The following PPP1R37 variants were observed in gnomAD, a reference collection of about 807,000 sequenced individuals.
The protein encoded by PPP1R37 is protein phosphatase 1 regulatory subunit 37.
PPP1R37 carries 21 observed loss-of-function variants against 61.0 expected under a neutral mutation model. The ratio of observed to expected loss-of-function variants is 0.34; its 90% CI spans 0.24 to 0.50. The LOEUF (loss-of-function observed/expected upper bound fraction) is 0.50. Among genes scored for constraint, PPP1R37 ranks in the 20% least tolerant of loss-of-function variants. The pLI, the probability that PPP1R37 is intolerant of heterozygous loss-of-function variation, is 0.98. For missense variants in PPP1R37, 910 were observed against 952.7 expected (o/e 0.96, Z 0.59); for synonymous variants, 443 against 433.5 (o/e 1.02, Z -0.27).
Position 45,115,741 on chromosome 19 carries a change from G to A in PPP1R37, c.202+22214G>A, listed in dbSNP as rs139857157. On this transcript the variant is annotated intron_variant, in intron 1 of 12. Coordinates refer to ENST00000221462, the MANE Select transcript of PPP1R37 (RefSeq NM_019121.2). Reference sequence around the variant, plus strand: ...TATAATCCCAGCACTTTGGGAGGCCGAGGCGGGTGGATCATCTGAGGTCCG... The same window carrying A: ...TATAATCCCAGCACTTTGGGAGGCCAAGGCGGGTGGATCATCTGAGGTCCG... Among the ~76,000 whole-genome samples, 317 of 152,284 alleles carry A rather than the reference G, an allele frequency of 2.1e-3. 2 individuals are homozygous for A. Among genetic ancestry groups the A allele is most frequent in the African/African-American group, 7.0e-3 (290 of 41,556 alleles).
chr19:45,128,962 G>A (rs1442665540), intron 1 of PPP1R37: 2 of 781,954 alleles, frequency 2.6e-6, no homozygotes, highest in South Asian at 1.3e-5. Context: ...TGTGGAGAAG[G>A]GACCCTGATC....
rs142719401 is a variant in PPP1R37, at chr19:45,098,710, C to T, written c.202+5183C>T. On this transcript the variant is annotated intron_variant, in intron 1 of 12. Transcript: ENST00000221462. ...TGCCATACTGTTGGCTATTGAAACC[C>T]GTGCTGCAGATTCAGTCCTAAAAGC... 2.2e-3 allele frequency among the ~76,000 whole-genome samples: 332 copies of T among 152,278 alleles called. 1 individual carries two copies. In the South Asian group the frequency reaches 0.026, roughly 12 times the overall value.
Position 45,138,625 on chromosome 19 carries a change from A to C in PPP1R37, c.300+14A>C. ...AGGCAGCTGCAGGTATGGGCGGGAC[A>C]GGGTGGGTGCGTCCGGTGTGGGTGT... On this transcript the variant is annotated intron_variant, in intron 2 of 12. Transcript: ENST00000221462. 195 of 593,448 alleles carry C rather than the reference A, an allele frequency of 3.3e-4. No homozygotes were observed. The highest frequency in any genetic ancestry group is 5.5e-4 in the Non-Finnish European group (184 of 337,540). The allele number at this position is 593,448 out of a possible 1,614,324, so 36.8% of individuals were successfully genotyped here.
chr19:45,140,865 G>A (rs1968602190), intron 4 of PPP1R37, among the ~76,000 whole-genome samples: 1 of 152,124 alleles, frequency 6.6e-6, no homozygotes, highest in Admixed American at 6.5e-5. Flanking sequence ...GCAGGCGTGT[G>A]GCCCCCAGGA....
At chr19:45,107,910 C>T (rs907620744) in intron 1 of PPP1R37, among the ~76,000 whole-genome samples, 19 of 152,174 alleles carry the variant, frequency 1.2e-4, no homozygotes, top group Non-Finnish European at 2.4e-4. Flanking sequence ...GTAATTCATT[C>T]TAGCCATTTC....
intron 12 of PPP1R37, 37 bp from the exon 13 acceptor site, chr19:45,146,534 G>C (rs2122762438): frequency 1.5e-6 from 2 of 1,291,914 alleles, no homozygotes; most frequent in South Asian, 2.5e-5. Flanking sequence ...AGAGCCTCTG[G>C]CTCTGACAGT....
intron 1 of PPP1R37, among the ~76,000 whole-genome samples, chr19:45,117,312 G>A (rs1388611238): frequency 1.3e-5 from 2 of 152,198 alleles, no homozygotes; most frequent in Admixed American, 1.3e-4. Context: ...AGCAGTTGCA[G>A]ACCCGGAGGC....
chr19:45,094,806 A>G (rs916306727), intron 1 of PPP1R37, among the ~76,000 whole-genome samples: 9 of 151,600 alleles, frequency 5.9e-5, no homozygotes, highest in African/African-American at 1.9e-4. Context: ...GGTGAGAGAG[A>G]TGAAAAAGTT....
At chr19:45,140,133 C>A in intron 2 of PPP1R37, 103 bp from the exon 3 acceptor site, 1 of 1,041,868 alleles carries the variant, frequency 9.6e-7, no homozygotes, top group Non-Finnish European at 1.4e-6. Flanking sequence ...GCCCAAACCC[C>A]ACCCCAGAAC....
chr19:45,104,265 C>T (rs961300564), intron 1 of PPP1R37, among the ~76,000 whole-genome samples: 7 of 152,180 alleles, frequency 4.6e-5, no homozygotes, highest in African/African-American at 1.7e-4. Flanking sequence ...TCTCCCCTCC[C>T]TGGACCAGTG....
intron 1 of PPP1R37, among the ~76,000 whole-genome samples, chr19:45,107,400 G>A (rs997650580): frequency 1.3e-5 from 2 of 151,994 alleles, no homozygotes; most frequent in Admixed American, 6.6e-5. Flanking sequence ...CCAGGAGTTC[G>A]AGACCAGCCT....
intron 1 of PPP1R37, among the ~76,000 whole-genome samples, chr19:45,097,675 G>A (rs1247282002): frequency 1.3e-5 from 2 of 152,008 alleles, no homozygotes; most frequent in African/African-American, 2.4e-5. Context: ...GTGGGGTTCC[G>A]CCTGCTGGGG....
At position 45,145,567 on chromosome 19, in the gene PPP1R37, A is replaced by C; in HGVS notation, c.1511A>C (p.Asp504Ala). Residue 504 changes from aspartate (D) to alanine (A), a missense_variant, in exon 11 of 13, where the codon GAC becomes GCC. Around this residue, in one of 3 missense-constraint regions of PPP1R37, gnomAD observed 549 missense variants for 505.1 expected, o/e 1.09. Transcript: ENST00000221462. ...GCCCCCAGCCCCGCACCCAGCCCGG[A>C]CTCAGACTCAGACTCGGACTCGGAT... ...NGAPSPAPSP[D>A]SDSDSDSDGE... The C allele has an allele frequency of 6.5e-7, 1 of 1,533,150 alleles. No individual in the cohort carries two copies. Among genetic ancestry groups the C allele is most frequent in the Non-Finnish European group, 8.7e-7 (1 of 1,146,494 alleles). 95.0% of individuals were successfully genotyped at this position (1,533,150 alleles called of 1,614,324 possible).
Position 45,145,443 on chromosome 19 carries a change from G to C in PPP1R37, c.1387G>C (p.Glu463Gln), listed in dbSNP as rs1286901995. 8 of 1,535,172 alleles carry C rather than the reference G, an allele frequency of 5.2e-6. No individual in the cohort carries two copies. In the African/African-American group the frequency reaches 1.1e-4, roughly 21 times the overall value. The change falls in exon 11 of 13, where the codon GAG becomes CAG. Residue 463 changes from glutamate (E) to glutamine (Q), a missense_variant. By Grantham distance (29) the Glu-to-Gln change is conservative. This residue lies in a region of PPP1R37 where 549 missense variants were observed against 505.1 expected (regional missense o/e 1.09). Transcript: ENST00000221462. The stretch of plus-strand genomic sequence containing the variant: ...CTTGGTGCTGGCGCGGGAGAGGGAG[G>C]AGAAGGAGCAGCCGCCACAGCTGTC... ...RNLVLARERE[E>Q]KEQPPQLSAS...
intron 1 of PPP1R37, among the ~76,000 whole-genome samples, chr19:45,097,577 T>A (rs749245566): frequency 2.8e-4 from 42 of 151,984 alleles, no homozygotes; most frequent in Middle Eastern, 3.4e-3. Flanking sequence ...GGTTTGGGGA[T>A]TCCTGGAGAT....
rs553885898 is a variant in PPP1R37 at position 45,122,782 on chromosome 19, T to C, written c.203-15732T>C. 3.3e-5 allele frequency among the ~76,000 whole-genome samples: 5 copies of C among 152,204 alleles called. No homozygotes were observed. The South Asian group carries it at 1.0e-3, about 32-fold the overall frequency. On this transcript the variant is annotated intron_variant, in intron 1 of 12. Coordinates refer to ENST00000221462, the MANE Select transcript of PPP1R37 (RefSeq NM_019121.2). ...TGGCAAGGATCAGGACCTCAATGAC[T>C]GTAGCAGCCCCTCCCCAGCACCCCC...
At chr19:45,126,131 G>A (rs559995598) in intron 1 of PPP1R37, among the ~76,000 whole-genome samples, 2 of 152,342 alleles carry the variant, frequency 1.3e-5, no homozygotes, top group Admixed American at 6.5e-5. Context: ...TCCTTGAGAC[G>A]CTGTCCCACA....
At chr19:45,144,537 T>G in intron 8 of PPP1R37, 1 of 370,662 alleles carries the variant, frequency 2.7e-6, no homozygotes, top group Non-Finnish European at 4.8e-6. Flanking sequence ...GGGATAAGAG[T>G]TGCCCTCCTT....
chr19:45,127,119 A>G (rs963827365), intron 1 of PPP1R37, among the ~76,000 whole-genome samples: 5 of 151,846 alleles, frequency 3.3e-5, no homozygotes, highest in African/African-American at 1.2e-4. Flanking sequence ...GGAGTTCTAG[A>G]TGGGCGGATC....
Sources: allele counts gnomAD v4.1 joint callset (sites outside exome capture counted in the v4.1 genomes callset), GRCh38; gene constraint gnomAD v4.1.1; regional missense constraint gnomAD v4.1.1; transcripts MANE v1.5; gene names NCBI Gene and HGNC (gene_info 2026-07-23, HGNC 2026-07-21).